Variants in ERO1B observed in about 807,000 individuals in gnomAD.
ERO1B encodes the protein ERO1-like protein beta.
A neutral mutation model predicts 75.3 loss-of-function variants in ERO1B; 49 were observed. The ratio of observed to expected loss-of-function variants is 0.65; its 90% confidence interval spans 0.52 to 0.83. The LOEUF (loss-of-function observed/expected upper bound fraction) is 0.83, where lower values mean the gene tolerates loss of function less well. Among genes scored for constraint, ERO1B ranks in the 40% least tolerant of loss-of-function variants. ERO1B has a pLI of 0.00. For synonymous variants in ERO1B, 191 were observed against 192.9 expected (o/e 0.99, Z 0.08); for missense variants, 512 against 560.1 (o/e 0.91, Z 0.87).
intron 6 of ERO1B, among the ~76,000 whole-genome samples, chr1:236,239,819 A>ATGTG (rs1558510794): frequency 3.1e-5 from 4 of 130,660 alleles, no homozygotes; most frequent in African/African-American, 1.2e-4. Flanking sequence ...GTGTATATAT[A>ATGTG]TATGTGTATA....
chr1:236,223,771 T>G (rs964132602), intron 13 of ERO1B, among the ~76,000 whole-genome samples: 2 of 152,188 alleles, frequency 1.3e-5, no homozygotes, highest in Non-Finnish European at 1.5e-5. Flanking sequence ...AACATATGTG[T>G]TGATACTTAG....
intron 2 of ERO1B, among the ~76,000 whole-genome samples, chr1:236,264,757 A>G (rs12040234): frequency 0.068 from 10,422 of 152,178 alleles, 727 homozygotes; most frequent in East Asian, 0.38. Flanking sequence ...AGGCAGGAGA[A>G]TCACTTGAAC....
chr1:236,221,029 A>C, intron 14 of ERO1B, 64 bp from the exon 15 acceptor site: 1 of 1,263,002 alleles, frequency 7.9e-7, no homozygotes, highest in Admixed American at 3.2e-5. Flanking sequence ...AAAAGGCTTA[A>C]AGGAATATAT....
At chr1:236,230,015 G>A (rs965902326) in intron 10 of ERO1B, among the ~76,000 whole-genome samples, 1 of 151,986 alleles carries the variant, frequency 6.6e-6, no homozygotes, top group Non-Finnish European at 1.5e-5. Context: ...TTTGGCCTGT[G>A]TATTTATATA....
intron 2 of ERO1B, among the ~76,000 whole-genome samples, chr1:236,255,077 C>T (rs995255783): frequency 6.6e-6 from 1 of 151,214 alleles, no homozygotes; most frequent in Non-Finnish European, 1.5e-5. Context: ...TGTACCACCA[C>T]ACCTGGCTAA....
chr1:236,250,431 C>T (rs1664988355), intron 4 of ERO1B, among the ~76,000 whole-genome samples: 1 of 151,690 alleles, frequency 6.6e-6, no homozygotes, highest in South Asian at 2.1e-4. Flanking sequence ...GAGATCACGC[C>T]ACTGCACTCC....
rs1664760880 is a variant in ERO1B, at chr1:236,243,356, T to C, written c.505+66A>G. The stretch of plus-strand genomic sequence containing the variant: ...GCTATAATTCAGTTTATATTTTCAT[T>C]GATTAAAATGTCTTATAAAAGGGTT... On this transcript the variant is annotated intron_variant, in intron 6 of 15. Coordinates refer to ENST00000354619, the MANE Select transcript of ERO1B (RefSeq NM_019891.4). The C allele has an allele frequency of 2.7e-6, 3 of 1,124,292 alleles. No individual in the cohort carries two copies. In the East Asian group the frequency reaches 8.0e-5, roughly 30 times the overall value. 69.6% of individuals were successfully genotyped at this position (1,124,292 alleles called of 1,614,324 possible). A position where few individuals can be genotyped will look rare whatever the true frequency, so the allele number is the denominator to read the frequency against.
intron 6 of ERO1B, among the ~76,000 whole-genome samples, chr1:236,241,047 A>C (rs1174330402): frequency 1.6e-4 from 25 of 152,146 alleles, no homozygotes. Context: ...TTAAATTACT[A>C]AATTATTTTA....
At chr1:236,239,321 C>T (rs1327660713) in intron 6 of ERO1B, among the ~76,000 whole-genome samples, 1 of 152,140 alleles carries the variant, frequency 6.6e-6, no homozygotes, top group East Asian at 1.9e-4. Flanking sequence ...CAGCCATGTT[C>T]ATTTGTTTAC....
rs529490869 is a variant in ERO1B, at chr1:236,279,465, C to T, written c.102+2217G>A. Among the ~76,000 whole-genome samples the T allele has an allele frequency of 1.2e-4, 16 of 132,676 alleles. No individual in the cohort carries two copies. In the South Asian group the frequency reaches 3.8e-3, roughly 31 times the overall value. The allele number at this position is 132,676 out of a possible 152,430, so 87.0% of individuals were successfully genotyped here. On this transcript the variant is annotated intron_variant, in intron 1 of 15. Coordinates refer to ENST00000354619, the MANE Select transcript of ERO1B (RefSeq NM_019891.4). ...CTGCACTGAGCCAAGATGGCGCCAC[C>T]GCACTCCAGTCTGGGTGACACAGAG... is the stretch of plus-strand genomic sequence containing the variant.
In ERO1B at chr1:236,232,830, T is replaced by C. The variant is rs778392381; in HGVS notation, c.683A>G (p.Asp228Gly). 4 of 1,597,510 alleles carry C rather than the reference T, an allele frequency of 2.5e-6. No homozygotes were observed. The highest frequency in any genetic ancestry group is 3.4e-6 in the Non-Finnish European group (4 of 1,171,850). The change falls in exon 9 of 16, where the codon GAT (aspartate) becomes GGT (glycine). Residue 228 changes from aspartate to glycine, a missense_variant and splice_region_variant. Asp to Gly is a moderately conservative substitution (Grantham distance 94, BLOSUM62 -1). Transcript: ENST00000354619. ...NPLAPSRGED[D>G]GESFYTWLEG... is the part of the protein sequence containing the mutation. Reference sequence around the variant, plus strand: ...AAACAAACATGAGTTTTGCTCACCATCATCTTCGCCTAAAAGAGAAAATAA... The same window carrying C: ...AAACAAACATGAGTTTTGCTCACCACCATCTTCGCCTAAAAGAGAAAATAA...
chr1:236,264,465 C>T (rs987969013), intron 2 of ERO1B, among the ~76,000 whole-genome samples: 6 of 152,154 alleles, frequency 3.9e-5, no homozygotes, highest in Non-Finnish European at 5.9e-5. Flanking sequence ...AATCTGTATG[C>T]CTCTCCATTG....
At position 236,277,391 on chromosome 1, in the gene ERO1B, G is replaced by A. The variant is rs371411457; in HGVS notation, c.102+4291C>T. Among the ~76,000 whole-genome samples, 25 of 148,836 alleles carry A rather than the reference G, an allele frequency of 1.7e-4. 1 individual carries two copies. In the South Asian group the frequency reaches 4.2e-3, roughly 25 times the overall value. ...TGCTCTCCAGCCTGGGTGACAGAGC[G>A]AGACTCTACTCCAGGAAAAAAAAAA... On this transcript the variant is annotated intron_variant, in intron 1 of 15. Transcript: ENST00000354619.
At chr1:236,224,063 T>A (rs1664221545) in intron 13 of ERO1B, among the ~76,000 whole-genome samples, 1 of 152,176 alleles carries the variant, frequency 6.6e-6, no homozygotes, top group African/African-American at 2.4e-5. Context: ...TACTGTATAT[T>A]ATGAAACATC....
At chr1:236,261,592 G>C (rs1665295888) in intron 2 of ERO1B, among the ~76,000 whole-genome samples, 1 of 152,146 alleles carries the variant, frequency 6.6e-6, no homozygotes, top group South Asian at 2.1e-4. Flanking sequence ...CCAAGGAGGT[G>C]AAAGATCTAT....
At chr1:236,221,840 TGAG>T in intron 14 of ERO1B, 81 bp downstream of exon 14, 1 of 1,006,916 alleles carries the variant, frequency 9.9e-7, no homozygotes, top group Non-Finnish European at 1.5e-6. Flanking sequence ...CAATGAACAA[TGAG>T]GACATTTTAA....
chr1:236,269,729 A>T (rs752124277), intron 2 of ERO1B, 146 bp downstream of exon 2: 21 of 599,418 alleles, frequency 3.5e-5, no homozygotes, highest in Non-Finnish European at 5.2e-5. Context: ...AAAAAGATCA[A>T]TAGGTTTCCA....
chr1:236,249,836 C>A, intron 5 of ERO1B, 49 bp downstream of exon 5: 3 of 1,318,686 alleles, frequency 2.3e-6, no homozygotes, highest in Non-Finnish European at 3.2e-6. Flanking sequence ...AAAATTGATT[C>A]TTGATATCAA....
chr1:236,271,533 T>G (rs1222636842), intron 1 of ERO1B, among the ~76,000 whole-genome samples: 1 of 152,126 alleles, frequency 6.6e-6, no homozygotes, highest in African/African-American at 2.4e-5. Context: ...GCGAGTTCTA[T>G]TTTTTCCTTC....
Sources: gnomAD v4.1 joint callset for allele counts (sites outside exome capture counted in the v4.1 genomes callset) on GRCh38, gnomAD v4.1.1 for gene constraint, MANE v1.5 for transcripts, NCBI Gene and HGNC (gene_info 2026-07-23, HGNC 2026-07-21) for gene names.